PEX3: variants seen among roughly 807,000 people sequenced by gnomAD.
PEX3 encodes the protein peroxin-3.
PEX3 carries 30 observed loss-of-function variants against 55.8 expected under a neutral mutation model. The ratio of observed to expected loss-of-function variants is 0.54; its 90% CI spans 0.40 to 0.73. PEX3 has a LOEUF of 0.73. Among genes scored for constraint, PEX3 ranks in the 30% least tolerant of loss-of-function variants. PEX3 has a pLI of 0.00. For missense variants in PEX3, 351 were observed against 432.8 expected (o/e 0.81, Z 1.68); for synonymous variants, 135 against 148.4 (o/e 0.91, Z 0.66).
At position 143,465,298 on chromosome 6, in the gene PEX3, C is replaced by T. The variant is rs1005348576; in HGVS notation, c.287+2301C>T. Reference sequence around the variant, plus strand: ...TTTGGAGTTTTTTAAAAAAAAATAGCATCAGTATTTAAAAATCTACTTTTA... The same window carrying T: ...TTTGGAGTTTTTTAAAAAAAAATAGTATCAGTATTTAAAAATCTACTTTTA... On this transcript the variant is annotated intron_variant, in intron 3 of 11. Coordinates refer to ENST00000367591, the MANE Select transcript of PEX3 (RefSeq NM_003630.3). This position sits in a 1 kb window ranked among gnomAD's most constrained non-coding sequence, Gnocchi z 4.7. Among the ~76,000 whole-genome samples the T allele has an allele frequency of 3.3e-5, 5 of 151,802 alleles. No individual in the cohort carries two copies. Among genetic ancestry groups the T allele is most frequent in the Non-Finnish European group, 7.4e-5 (5 of 67,842 alleles).
intron 10 of PEX3, among the ~76,000 whole-genome samples, chr6:143,481,500 T>G (rs771347614): frequency 2.6e-5 from 4 of 151,990 alleles, no homozygotes; most frequent in Non-Finnish European, 4.4e-5. Context: ...GAGATAGAAA[T>G]TTTTCTCCAA....
intron 2 of PEX3, among the ~76,000 whole-genome samples, chr6:143,461,273 G>A (rs1308494977): frequency 6.6e-6 from 1 of 152,186 alleles, no homozygotes; most frequent in Non-Finnish European, 1.5e-5. Context: ...GCTGGGAGCA[G>A]TGCAAACATG....
At chr6:143,484,877 A>G in intron 10 of PEX3, 1 of 397,450 alleles carries the variant, frequency 2.5e-6, no homozygotes, top group Non-Finnish European at 4.7e-6. Flanking sequence ...GAAAATACTC[A>G]TAACAATAAA....
intron 4 of PEX3, among the ~76,000 whole-genome samples, chr6:143,470,469 CCT>C (rs1335392402): frequency 6.6e-6 from 1 of 152,154 alleles, no homozygotes; most frequent in African/African-American, 2.4e-5. Flanking sequence ...TTCACTCTCT[CCT>C]CTGTTTTGAA....
chr6:143,457,805 G>A (rs1779866934), intron 1 of PEX3, among the ~76,000 whole-genome samples: 1 of 152,154 alleles, frequency 6.6e-6, no homozygotes, highest in Non-Finnish European at 1.5e-5. Context: ...TTCTGCCCTT[G>A]TTTCATGCTA....
chr6:143,479,131 C>T lies in PEX3; in HGVS notation c.874C>T (p.Leu292=). ...TTTAAACCGAGGTTTTAGTAGACTT[C>T]TAGACAATATGGCTGAGTTCTTTCG... ...TCLNRGFSRL[L]DNMAEFFRPT... is the part of the protein sequence containing the mutation. Residue 292 remains leucine (L), a synonymous_variant, in exon 10 of 12, where the codon CTA becomes TTA. Coordinates refer to ENST00000367591, the MANE Select transcript of PEX3 (RefSeq NM_003630.3). This position sits in a 1 kb window ranked among gnomAD's most constrained non-coding sequence, Gnocchi z 4.6. 1.3e-6 allele frequency: 2 copies of T among 1,596,760 alleles called. No homozygotes were observed. The highest frequency in any genetic ancestry group is 1.7e-6 in the Non-Finnish European group (2 of 1,164,426).
In PEX3 at chr6:143,485,095, T is replaced by A; in HGVS notation, c.942-57T>A. The A allele has an allele frequency of 1.5e-5, 14 of 911,762 alleles. No homozygotes were observed. Among genetic ancestry groups the A allele is most frequent in the Non-Finnish European group, 2.6e-5 (14 of 540,074 alleles). The allele number at this position is 911,762 out of a possible 1,614,324, so 56.5% of individuals were successfully genotyped here. On this transcript the variant is annotated intron_variant, in intron 10 of 11. Coordinates refer to ENST00000367591, the MANE Select transcript of PEX3 (RefSeq NM_003630.3). The surrounding 1 kb of genome is among the most constrained non-coding windows in gnomAD (Gnocchi z 5.6). ...CTATGTATTACTTTTATAATTAAGA[T>A]GTTAAAGTCCTGTGGGGTCATTTCA...
Position 143,451,242 on chromosome 6 carries a change from G to A in PEX3, c.73+127G>A, listed in dbSNP as rs1482359042. On this transcript the variant is annotated intron_variant, in intron 1 of 11. Transcript: ENST00000367591. The surrounding 1 kb of genome is among the most constrained non-coding windows in gnomAD (Gnocchi z 4.1). ...GTAGAGGGAGTTCGATCAACCATGG[G>A]ATGAAAAGGGAGGTGGCCAACCTCC... The A allele has an allele frequency of 1.3e-6, 1 of 763,696 alleles. No individual in the cohort carries two copies. The highest frequency in any genetic ancestry group is 1.9e-5 in the Admixed American group (1 of 52,996). The allele number at this position is 763,696 out of a possible 1,614,324, so 47.3% of individuals were successfully genotyped here. A position where few individuals can be genotyped will look rare whatever the true frequency, so the allele number is the denominator to read the frequency against.
At position 143,458,961 on chromosome 6, in the gene PEX3, G is replaced by C; in HGVS notation, c.74-124G>C. On this transcript the variant is annotated intron_variant, in intron 1 of 11. Transcript: ENST00000367591. The surrounding 1 kb of genome is among the most constrained non-coding windows in gnomAD (Gnocchi z 6.1). The stretch of plus-strand genomic sequence containing the variant: ...CCAATCTTACAAAATTCTTTATTTA[G>C]GTTTTAAAAATGTAATTTTAGCTAT... 1.5e-6 allele frequency: 1 copy of C among 661,648 alleles called. No homozygotes were observed. The allele number at this position is 661,648 out of a possible 1,614,324, so 41.0% of individuals were successfully genotyped here.
Position 143,462,861 on chromosome 6 carries a change from G to A in PEX3, c.206-55G>A. The A allele has an allele frequency of 2.3e-6, 3 of 1,309,752 alleles. No homozygotes were observed. The highest frequency in any genetic ancestry group is 1.1e-6 in the Non-Finnish European group (1 of 903,158). 81.1% of individuals were successfully genotyped at this position (1,309,752 alleles called of 1,614,324 possible). A position where few individuals can be genotyped will look rare whatever the true frequency, so the allele number is the denominator to read the frequency against. On this transcript the variant is annotated intron_variant, in intron 2 of 11. Transcript: ENST00000367591. This position sits in a 1 kb window ranked among gnomAD's most constrained non-coding sequence, Gnocchi z 4.1. ...AGCCTAAAACAATGCGCATTTCTTA[G>A]TGAGGGCAGTCATATCACTTGTGAC...
At position 143,474,839 on chromosome 6, in the gene PEX3, T is replaced by C. The variant is rs1780129636; in HGVS notation, c.801T>C (p.Thr267=). Residue 267 remains threonine, a synonymous_variant, in exon 9 of 12, where the codon ACT becomes ACC. Transcript: ENST00000367591. ...CCACTATTAAACTTCTCAATGAAAC[T>C]AGAGACATGTTGGAAAGGTATGTAT... ...DITTIKLLNE[T]RDMLESPDFS... 1 of 1,575,650 alleles carries C rather than the reference T, an allele frequency of 6.3e-7. No individual in the cohort carries two copies. The highest frequency in any genetic ancestry group is 8.7e-7 in the Non-Finnish European group (1 of 1,145,300).
chr6:143,478,940 T>C (rs1042958769), intron 9 of PEX3, 136 bp from the exon 10 acceptor site: 21 of 572,548 alleles, frequency 3.7e-5, no homozygotes, highest in African/African-American at 3.0e-4. Flanking sequence ...TAAAGATTGA[T>C]TTCTTGATAT....
At position 143,485,936 on chromosome 6, in the gene PEX3, A is replaced by G. The variant is rs1471754415; in HGVS notation, c.1038+688A>G. Among the ~76,000 whole-genome samples the G allele has an allele frequency of 6.6e-6, 1 of 152,168 alleles. No homozygotes were observed. The highest frequency in any genetic ancestry group is 1.5e-5 in the Non-Finnish European group (1 of 68,008). The stretch of plus-strand genomic sequence containing the variant: ...GCAATGCCAGTTGCAAACTGCTTCA[A>G]TAATGTACAATGAGAAGAGACCCTA... On this transcript the variant is annotated intron_variant, in intron 11 of 11. Coordinates refer to ENST00000367591, the MANE Select transcript of PEX3 (RefSeq NM_003630.3). The surrounding 1 kb of genome is among the most constrained non-coding windows in gnomAD (Gnocchi z 5.6).
rs1343311051 is a variant in PEX3 at position 143,465,560 on chromosome 6, T to C, written c.288-2562T>C. On this transcript the variant is annotated intron_variant, in intron 3 of 11. Transcript: ENST00000367591. This position sits in a 1 kb window ranked among gnomAD's most constrained non-coding sequence, Gnocchi z 4.7. ...ACCACTGTTTTCTTATCTTTTTTCTTTTAGAATTTTTATAAGAAGTACTTA... is the reference window on the plus strand; with the variant it reads ...ACCACTGTTTTCTTATCTTTTTTCTCTTAGAATTTTTATAAGAAGTACTTA... 6.6e-6 allele frequency among the ~76,000 whole-genome samples: 1 copy of C among 152,018 alleles called. No individual in the cohort carries two copies. Among genetic ancestry groups the C allele is most frequent in the African/African-American group, 2.4e-5 (1 of 41,430 alleles).
Position 143,463,082 on chromosome 6 carries a change from T to G in PEX3, c.287+85T>G. On this transcript the variant is annotated intron_variant, in intron 3 of 11. Transcript: ENST00000367591. The surrounding 1 kb of genome is among the most constrained non-coding windows in gnomAD (Gnocchi z 5.7). Reference sequence around the variant, plus strand: ...CTGATAGACTTTTCAAAAATCTTTGTTATTTTTCTATCTAATGAAAGTTTA... The same window carrying G: ...CTGATAGACTTTTCAAAAATCTTTGGTATTTTTCTATCTAATGAAAGTTTA... The G allele has an allele frequency of 1.0e-6, 1 of 969,722 alleles. No individual in the cohort carries two copies. Among genetic ancestry groups the G allele is most frequent in the Non-Finnish European group, 1.6e-6 (1 of 611,668 alleles). 60.1% of individuals were successfully genotyped at this position (969,722 alleles called of 1,614,324 possible).
chr6:143,456,924 C>A (rs1459573819), intron 1 of PEX3, among the ~76,000 whole-genome samples: 1 of 152,054 alleles, frequency 6.6e-6, no homozygotes, highest in African/African-American at 2.4e-5. Context: ...CAGATATAGA[C>A]CAAATGTACA....
At chr6:143,455,215 C>T (rs994083219) in intron 1 of PEX3, among the ~76,000 whole-genome samples, 3 of 132,012 alleles carry the variant, frequency 2.3e-5, no homozygotes, top group Admixed American at 7.0e-5. Flanking sequence ...TCTTTTGAGA[C>T]GGAGTCTTGC....
chr6:143,478,464 GTAGA>G (rs1780182893), intron 9 of PEX3, among the ~76,000 whole-genome samples: 1 of 151,974 alleles, frequency 6.6e-6, no homozygotes, highest in African/African-American at 2.4e-5. Context: ...GAAAAGGTAG[GTAGA>G]TAGAAAGATA....
At chr6:143,470,737 A>C (rs1780062359) in intron 4 of PEX3, among the ~76,000 whole-genome samples, 1 of 152,144 alleles carries the variant, frequency 6.6e-6, no homozygotes, top group South Asian at 2.1e-4. Context: ...CTTTCACCTA[A>C]TATATTTCAT....
Sources: allele counts gnomAD v4.1 joint callset (sites outside exome capture counted in the v4.1 genomes callset), GRCh38; gene constraint gnomAD v4.1.1; non-coding constraint Gnocchi (gnomAD v3.1); transcripts MANE v1.5; gene names NCBI Gene and HGNC (gene_info 2026-07-23, HGNC 2026-07-21).